The following PI4KA variants were observed in gnomAD, a reference collection of about 807,000 sequenced individuals.
The protein encoded by PI4KA is phosphatidylinositol 4-kinase alpha.
Under a neutral mutation model 271.4 loss-of-function variants are expected in PI4KA, and 122 were observed. The ratio of observed to expected loss-of-function variants is 0.45; its 90% CI spans 0.39 to 0.52. PI4KA has a LOEUF of 0.52. Among genes scored for constraint, PI4KA ranks in the 20% least tolerant of loss-of-function variants. The pLI is 0.00. For missense variants in PI4KA, 1,969 were observed against 2,769.1 expected (o/e 0.71, Z 6.48); for synonymous variants, 1,041 against 1,078.8 (o/e 0.96, Z 0.69).
At chr22:20,773,013 C>T (rs1370828538) in intron 19 of PI4KA, among the ~76,000 whole-genome samples, 2 of 151,964 alleles carry the variant, frequency 1.3e-5, no homozygotes, top group Admixed American at 1.3e-4. Flanking sequence ...ATTGCTTCAG[C>T]TCGGGAGGTT....
At chr22:20,747,485 G>A (rs1306831150) in intron 29 of PI4KA, 98 bp downstream of exon 29, 1 of 1,308,692 alleles carries the variant, frequency 7.6e-7, no homozygotes, top group African/African-American at 1.5e-5. Context: ...ATGTACTCAT[G>A]TGCGTCATGA....
chr22:20,829,302 G>C (rs1488930897), intron 3 of PI4KA, among the ~76,000 whole-genome samples: 2 of 152,028 alleles, frequency 1.3e-5, no homozygotes, highest in Non-Finnish European at 2.9e-5. Context: ...TCTTCAGCTG[G>C]CAGACTTTTT....
chr22:20,713,705 G>A (rs1424366633), intron 47 of PI4KA, among the ~76,000 whole-genome samples: 2 of 152,246 alleles, frequency 1.3e-5, no homozygotes, highest in African/African-American at 4.8e-5. Flanking sequence ...GGGGCAGGAG[G>A]AATGTGTCTG....
Position 20,732,862 on chromosome 22 carries a change from G to A in PI4KA, c.4288+109C>T, listed in dbSNP as rs1171794527. 3 of 1,264,514 alleles carry A rather than the reference G, an allele frequency of 2.4e-6. No individual in the cohort carries two copies. In the African/African-American group the frequency reaches 4.4e-5, roughly 19 times the overall value. 78.3% of individuals were successfully genotyped at this position (1,264,514 alleles called of 1,614,324 possible). A position where few individuals can be genotyped will look rare whatever the true frequency, so the allele number is the denominator to read the frequency against. On this transcript the variant is annotated intron_variant, in intron 36 of 54. Transcript: ENST00000255882. ...CAACACAGCCAAGGCCAGGGCTCAG[G>A]GGGGTCTAACTGCTTTTCCGTCCCT...
At chr22:20,831,534 C>T (rs1480067883) in intron 3 of PI4KA, among the ~76,000 whole-genome samples, 1 of 152,148 alleles carries the variant, frequency 6.6e-6, no homozygotes, top group Non-Finnish European at 1.5e-5. Flanking sequence ...CACCACTGCA[C>T]TCCAGCCTGA....
chr22:20,858,482 G>T, intron 1 of PI4KA, 88 bp downstream of exon 1: 1 of 982,868 alleles, frequency 1.0e-6, no homozygotes, highest in Non-Finnish European at 1.3e-6. Flanking sequence ...GCCCAGCCTC[G>T]GCCTCCCACA....
rs778800490 is a variant in PI4KA, at chr22:20,718,784, T to C, written c.5155A>G (p.Ile1719Val). 1.4e-5 allele frequency: 23 copies of C among 1,613,792 alleles called. No individual in the cohort carries two copies. The highest frequency in any genetic ancestry group is 1.8e-5 in the Non-Finnish European group (21 of 1,179,880). The part of the protein sequence containing the change: ...GDLLDQLVEE[I>V]TGSLSGPAKD... The stretch of plus-strand genomic sequence containing the variant: ...GCTGGGCCGGACAAGGAGCCTGTGA[T>C]CTCCTCTACCAACTGATCCAGGAGG... The change falls in exon 44 of 55, where the codon ATC (isoleucine) becomes GTC (valine). Residue 1719 changes from isoleucine to valine, a missense_variant. Ile to Val is a conservative substitution (Grantham distance 29). Coordinates refer to ENST00000255882, the MANE Select transcript of PI4KA (RefSeq NM_058004.4).
chr22:20,804,507 C>A, intron 11 of PI4KA, 107 bp from the exon 12 acceptor site: 5 of 784,312 alleles, frequency 6.4e-6, no homozygotes, highest in South Asian at 5.9e-5. Context: ...CAGAGACATA[C>A]TTTAGGCAGG....
Position 20,858,678 on chromosome 22 carries a change from G to GCCGCCTCCGCCT in PI4KA, c.36_47dup (p.Gly15_Gly18dup), listed in dbSNP as rs532050128. 3,730 of 1,470,880 alleles carry GCCGCCTCCGCCT rather than the reference G, an allele frequency of 2.5e-3. 56 individuals carry two copies. In the African/African-American group the frequency reaches 0.041, roughly 16 times the overall value. 91.1% of individuals were successfully genotyped at this position (1,470,880 alleles called of 1,614,324 possible). On this transcript the variant is annotated inframe_insertion, in exon 1 of 55. Transcript: ENST00000255882. ...TGGAGCCGGAGCCGGAGCAGCCGCC[G>GCCGCCTCCGCCT]CCGCCTCCGCCTCCGCCTCCGCCTC...
chr22:20,840,918 T>C (rs574118921), intron 1 of PI4KA, among the ~76,000 whole-genome samples: 1 of 152,232 alleles, frequency 6.6e-6, no homozygotes, highest in African/African-American at 2.4e-5. Flanking sequence ...CCATCCTGAA[T>C]AGGGGCTGGG....
chr22:20,850,607 T>A (rs1303937772), intron 1 of PI4KA, among the ~76,000 whole-genome samples: 1 of 151,728 alleles, frequency 6.6e-6, no homozygotes, highest in African/African-American at 2.4e-5. Context: ...CCAGCTAATT[T>A]TTTGTATTTT....
At chr22:20,853,252 G>A (rs1166158690) in intron 1 of PI4KA, among the ~76,000 whole-genome samples, 1 of 152,168 alleles carries the variant, frequency 6.6e-6, no homozygotes, top group African/African-American at 2.4e-5. Context: ...CTCTGCCCAT[G>A]ACTCTCGGTA....
At chr22:20,849,726 C>T (rs374352404) in intron 1 of PI4KA, among the ~76,000 whole-genome samples, 52 of 152,072 alleles carry the variant, frequency 3.4e-4, no homozygotes, top group South Asian at 2.9e-3. Context: ...CAGTGGCGGG[C>T]GCCTGTAGTC....
intron 52 of PI4KA, chr22:20,710,470 T>C (rs1364444895): frequency 3.4e-6 from 2 of 586,178 alleles, no homozygotes; most frequent in African/African-American, 3.7e-5. Context: ...AGCCCATGGC[T>C]GAAGGCGTGG....
At chr22:20,786,838 TG>T in intron 19 of PI4KA, 1 of 1,605,378 alleles carries the variant, frequency 6.2e-7, no homozygotes, top group Non-Finnish European at 8.5e-7. Context: ...CTCTGTGTGC[TG>T]ACCTCCAGAA....
intron 19 of PI4KA, chr22:20,787,301 G>A (rs1291009605): frequency 1.3e-5 from 7 of 554,030 alleles, no homozygotes; most frequent in Non-Finnish European, 2.3e-5. Context: ...TAGTGTGTCT[G>A]CTGTTACCTA....
chr22:20,840,235 CCTCT>C (rs1925386776), intron 1 of PI4KA, among the ~76,000 whole-genome samples: 2 of 152,214 alleles, frequency 1.3e-5, no homozygotes, highest in South Asian at 4.2e-4. Context: ...TCAGGGAGGG[CCTCT>C]CTAAGATGGT....
At chr22:20,757,800 T>C (rs547562481) in intron 23 of PI4KA, among the ~76,000 whole-genome samples, 1 of 152,282 alleles carries the variant, frequency 6.6e-6, no homozygotes, top group African/African-American at 2.4e-5. Flanking sequence ...CACTTCAGCC[T>C]CCCAGAGTGC....
chr22:20,718,852 C>T (rs1926351264), intron 43 of PI4KA, 30 bp from the exon 44 acceptor site: 1 of 1,609,606 alleles, frequency 6.2e-7, no homozygotes, highest in African/African-American at 1.3e-5. Context: ...GCTTAAGTCT[C>T]TGTGGCTGTG....
Sources: gnomAD v4.1 joint callset for allele counts (sites outside exome capture counted in the v4.1 genomes callset) on GRCh38, gnomAD v4.1.1 for gene constraint, MANE v1.5 for transcripts, NCBI Gene and HGNC (gene_info 2026-07-23, HGNC 2026-07-21) for gene names.